Variants in SNX29 observed in about 807,000 individuals in gnomAD.
The protein encoded by SNX29 is sorting nexin-29.
In SNX29, 78 loss-of-function variants were observed where a neutral mutation model predicts 102.1. The ratio of observed to expected loss-of-function variants is 0.76; its 90% confidence interval spans 0.64 to 0.92. The LOEUF (loss-of-function observed/expected upper bound fraction) is 0.92, where lower values mean the gene tolerates loss of function less well. SNX29 is among the 40% of genes least tolerant of loss of function. The pLI, the probability that SNX29 is intolerant of heterozygous loss-of-function variation, is 0.00. For missense variants in SNX29, 1,280 were observed against 1,061.7 expected (o/e 1.21, Z -2.86); for synonymous variants, 580 against 414.5 (o/e 1.40, Z -4.85).
At chr16:11,980,567 C>G (rs752214538) in intron 1 of SNX29, among the ~76,000 whole-genome samples, 10 of 152,082 alleles carry the variant, frequency 6.6e-5, no homozygotes, top group Non-Finnish European at 1.2e-4. Flanking sequence ...AACTGTTTAA[C>G]CATTTGAGGA....
At chr16:12,065,870 TGTTA>T (rs926752944) in intron 9 of SNX29, among the ~76,000 whole-genome samples, 5 of 152,160 alleles carry the variant, frequency 3.3e-5, no homozygotes, top group African/African-American at 9.7e-5. Flanking sequence ...CCTTTGCACT[TGTTA>T]GTTCTGTGAT....
chr16:12,190,300 T>A (rs1229854931), intron 13 of SNX29, among the ~76,000 whole-genome samples: 2 of 152,096 alleles, frequency 1.3e-5, no homozygotes, highest in Non-Finnish European at 2.9e-5. Flanking sequence ...CTCCATTTCC[T>A]TATGGATGAG....
intron 20 of SNX29, among the ~76,000 whole-genome samples, chr16:12,567,548 G>A (rs1003272380): frequency 3.3e-5 from 5 of 152,072 alleles, no homozygotes; most frequent in Non-Finnish European, 5.9e-5. Flanking sequence ...ACTTTAGGAG[G>A]CTGAGCAAGA....
intron 20 of SNX29, among the ~76,000 whole-genome samples, chr16:12,564,270 C>A (rs749569837): frequency 6.6e-6 from 1 of 152,182 alleles, no homozygotes; most frequent in African/African-American, 2.4e-5. Context: ...TATTAGATGC[C>A]TCTACCAGTA....
intron 16 of SNX29, among the ~76,000 whole-genome samples, chr16:12,357,800 C>G (rs557626187): frequency 3.9e-5 from 6 of 152,218 alleles, no homozygotes; most frequent in Non-Finnish European, 8.8e-5. Context: ...TCTCATCTCT[C>G]TCTCTCCCCT....
chr16:12,362,034 G>T (rs931962444), intron 16 of SNX29, among the ~76,000 whole-genome samples: 1 of 145,640 alleles, frequency 6.9e-6, no homozygotes, highest in East Asian at 2.1e-4. Flanking sequence ...CGAGTAGCCT[G>T]CTGAATTCCT....
chr16:12,008,241 G>A (rs2056524890), intron 3 of SNX29, among the ~76,000 whole-genome samples: 1 of 151,784 alleles, frequency 6.6e-6, no homozygotes, highest in African/African-American at 2.4e-5. Flanking sequence ...ACTGCGCCTG[G>A]CCTGCTTTTC....
At chr16:12,163,247 C>A (rs530244514) in intron 13 of SNX29, among the ~76,000 whole-genome samples, 127 of 152,304 alleles carry the variant, frequency 8.3e-4, no homozygotes, top group African/African-American at 3.0e-3. Context: ...TTGGGTCACC[C>A]TGCTGAGAAA....
chr16:12,363,412 G>C (rs1289509327), intron 16 of SNX29, among the ~76,000 whole-genome samples: 2 of 152,184 alleles, frequency 1.3e-5, no homozygotes, highest in African/African-American at 4.8e-5. Context: ...CTTCCTCCCA[G>C]ACACCAGGGT....
intron 19 of SNX29, among the ~76,000 whole-genome samples, chr16:12,489,202 T>C (rs1191682032): frequency 1.3e-5 from 2 of 152,156 alleles, no homozygotes; most frequent in African/African-American, 4.8e-5. Context: ...CTCATTAATA[T>C]TTGAGAACTT....
At chr16:12,485,552 C>A (rs1024562918) in intron 19 of SNX29, among the ~76,000 whole-genome samples, 1 of 152,164 alleles carries the variant, frequency 6.6e-6, no homozygotes, top group African/African-American at 2.4e-5. Context: ...CCGTGGGAAG[C>A]CCCTTTGCAA....
chr16:12,428,470 A>T (rs962199520), intron 18 of SNX29, among the ~76,000 whole-genome samples: 3 of 152,250 alleles, frequency 2.0e-5, no homozygotes, highest in African/African-American at 7.2e-5. Flanking sequence ...AAATTCAGAA[A>T]ATAAAGTTAG....
intron 13 of SNX29, among the ~76,000 whole-genome samples, chr16:12,144,491 G>T (rs745332416): frequency 1.3e-5 from 2 of 152,312 alleles, no homozygotes; most frequent in Non-Finnish European, 1.5e-5. Flanking sequence ...CACCCCCCAT[G>T]GAGGGGAGGT....
chr16:12,549,622 C>T (rs1051504260), intron 20 of SNX29, among the ~76,000 whole-genome samples: 5 of 152,236 alleles, frequency 3.3e-5, no homozygotes, highest in African/African-American at 1.2e-4. Context: ...TTGCCCTCCA[C>T]ACGCTCTGTA....
At chr16:12,285,435 G>T (rs533773373) in intron 15 of SNX29, among the ~76,000 whole-genome samples, 1 of 152,296 alleles carries the variant, frequency 6.6e-6, no homozygotes, top group African/African-American at 2.4e-5. Flanking sequence ...AGTGTGGTTA[G>T]TCCCTGAATT....
rs66570090 is a variant in SNX29 at position 12,563,391 on chromosome 16, C to G, written c.2319-5115C>G. On this transcript the variant is annotated intron_variant, in intron 20 of 20. Coordinates refer to ENST00000566228, the MANE Select transcript of SNX29 (RefSeq NM_032167.5). The stretch of plus-strand genomic sequence containing the variant: ...GCCACGTTGATATTTTACCCGTAAC[C>G]ATGAAAATAGATGGCGACTGGATTT... Among the ~76,000 whole-genome samples, 1,212 of 152,224 alleles carry G rather than the reference C, an allele frequency of 8.0e-3. 6 individuals are homozygous for G. Among genetic ancestry groups the G allele is most frequent in the South Asian group, 0.028 (133 of 4,826 alleles).
At chr16:12,475,522 C>G (rs78245187) in intron 18 of SNX29, among the ~76,000 whole-genome samples, 3,024 of 152,284 alleles carry the variant, frequency 0.02, 50 homozygotes, top group Middle Eastern at 0.041. Context: ...CCGGTAAGCC[C>G]ATTGTGAGTT....
At chr16:12,198,011 T>C (rs1291006571) in intron 13 of SNX29, among the ~76,000 whole-genome samples, 1 of 152,160 alleles carries the variant, frequency 6.6e-6, no homozygotes, top group Admixed American at 6.5e-5. Flanking sequence ...GTTTGGCGTA[T>C]CTATAGTAGT....
intron 4 of SNX29, among the ~76,000 whole-genome samples, chr16:12,042,317 C>G (rs1190534485): frequency 2.6e-5 from 4 of 152,236 alleles, no homozygotes; most frequent in African/African-American, 9.6e-5. Context: ...GCATGAGCCA[C>G]CGTTCCCAGC....
Sources: gnomAD v4.1 joint callset for allele counts (sites outside exome capture counted in the v4.1 genomes callset) on GRCh38, gnomAD v4.1.1 for gene constraint, MANE v1.5 for transcripts, NCBI Gene and HGNC (gene_info 2026-07-23, HGNC 2026-07-21) for gene names.